Variants in FBXO28 observed in about 807,000 individuals in gnomAD.
FBXO28 encodes the protein F-box only protein 28.
Under a neutral mutation model 38.1 loss-of-function variants are expected in FBXO28, and 8 were observed. That is an observed-to-expected ratio of 0.21 (90% CI 0.12 to 0.38). FBXO28 has a LOEUF of 0.38. FBXO28 is among the 10% of genes least tolerant of loss of function. The probability of loss-of-function intolerance (pLI) is 1.00; values close to 1 mark genes in which losing one functional copy is unlikely to be tolerated. For missense variants in FBXO28, 345 were observed against 460.6 expected (o/e 0.75, Z 2.30); for synonymous variants, 168 against 173.8 (o/e 0.97, Z 0.26).
intron 4 of FBXO28, among the ~76,000 whole-genome samples, chr1:224,154,544 C>T (rs1293051060): frequency 6.6e-6 from 1 of 151,992 alleles, no homozygotes; most frequent in Non-Finnish European, 1.5e-5. Flanking sequence ...CGCGGTGGCT[C>T]ATGCCTGTAA....
At position 224,114,195 on chromosome 1, in the gene FBXO28, C is replaced by T. The variant is rs573338142; in HGVS notation, c.66C>T (p.Ser22=). The T allele has an allele frequency of 1.6e-5, 24 of 1,548,392 alleles. No homozygotes were observed. In the South Asian group the frequency reaches 2.6e-4, roughly 17 times the overall value. Residue 22 remains serine (S), a synonymous_variant, in exon 1 of 5, where the codon TCC becomes TCT. Coordinates refer to ENST00000366862, the MANE Select transcript of FBXO28 (RefSeq NM_015176.4). The part of the protein sequence containing the change: ...EGGGGQGDGG[S]SLASGSTQRQ... ...GCGGCGGCCAAGGCGACGGCGGTTC[C>T]TCTTTGGCCTCCGGCTCTACCCAGC...
chr1:224,124,247 G>C (rs1004975584), intron 1 of FBXO28, among the ~76,000 whole-genome samples: 2 of 152,156 alleles, frequency 1.3e-5, no homozygotes, highest in Admixed American at 6.5e-5. Context: ...TTTCATTACT[G>C]ACCACAACTA....
chr1:224,150,511 T>C (rs1202515651), intron 3 of FBXO28, among the ~76,000 whole-genome samples: 1 of 152,190 alleles, frequency 6.6e-6, no homozygotes, highest in Non-Finnish European at 1.5e-5. Context: ...TATTTCTTGA[T>C]TATGTATAAA....
At chr1:224,119,237 C>T in intron 1 of FBXO28, among the ~76,000 whole-genome samples, 1 of 144,834 alleles carries the variant, frequency 6.9e-6, no homozygotes, top group East Asian at 2.1e-4. Flanking sequence ...AGGTTCATGC[C>T]ATTTTCCTGC....
chr1:224,122,242 C>T (rs770943561), intron 1 of FBXO28, among the ~76,000 whole-genome samples: 4 of 152,116 alleles, frequency 2.6e-5, no homozygotes, highest in Non-Finnish European at 4.4e-5. Flanking sequence ...ATGATTTTTT[C>T]GTCCATCATT....
chr1:224,145,443 TAA>T (rs1657477663), intron 3 of FBXO28, among the ~76,000 whole-genome samples: 1 of 152,214 alleles, frequency 6.6e-6, no homozygotes, highest in South Asian at 2.1e-4. Context: ...TCATTTCACT[TAA>T]AGTCGGGATT....
rs114906258 is a variant in FBXO28 at position 224,131,488 on chromosome 1, A to C, written c.377+907A>C. On this transcript the variant is annotated intron_variant, in intron 2 of 4. Coordinates refer to ENST00000366862, the MANE Select transcript of FBXO28 (RefSeq NM_015176.4). Reference sequence around the variant, plus strand: ...ATAAGGATAGACCTGTAGATCAAAGAAGCAAAAGCAAAAGTCTGGATAATA... The same window carrying C: ...ATAAGGATAGACCTGTAGATCAAAGCAGCAAAAGCAAAAGTCTGGATAATA... 7.9e-3 allele frequency among the ~76,000 whole-genome samples: 1,203 copies of C among 152,334 alleles called. 15 individuals are homozygous for C. The highest frequency in any genetic ancestry group is 0.027 in the African/African-American group (1,114 of 41,570).
intron 1 of FBXO28, among the ~76,000 whole-genome samples, chr1:224,114,973 C>G (rs747288780): frequency 2.0e-5 from 3 of 152,118 alleles, no homozygotes; most frequent in Non-Finnish European, 4.4e-5. Context: ...AGCGTTAGCC[C>G]CAGCGCCCTA....
chr1:224,136,738 A>G (rs1311033698), intron 3 of FBXO28, among the ~76,000 whole-genome samples: 12 of 151,446 alleles, frequency 7.9e-5, no homozygotes, highest in Non-Finnish European at 1.8e-4. Context: ...CAGAAAAAAA[A>G]AAAGTTCAGA....
chr1:224,118,876 A>G (rs1262026635), intron 1 of FBXO28, among the ~76,000 whole-genome samples: 3 of 152,328 alleles, frequency 2.0e-5, no homozygotes, highest in Non-Finnish European at 4.4e-5. Flanking sequence ...TACACATAAC[A>G]TATTCCATTA....
At chr1:224,135,469 G>A (rs1014163484) in intron 3 of FBXO28, among the ~76,000 whole-genome samples, 17 of 151,788 alleles carry the variant, frequency 1.1e-4, no homozygotes, top group East Asian at 5.8e-4. Context: ...GATCCAGGCC[G>A]GCTGTAGTGG....
At chr1:224,137,760 G>T (rs953359377) in intron 3 of FBXO28, among the ~76,000 whole-genome samples, 13 of 151,812 alleles carry the variant, frequency 8.6e-5, no homozygotes, top group African/African-American at 2.2e-4. Flanking sequence ...GTGAGAGTGG[G>T]ACTGATAACA....
chr1:224,116,222 A>G (rs918414955), intron 1 of FBXO28, among the ~76,000 whole-genome samples: 2 of 152,334 alleles, frequency 1.3e-5, no homozygotes, highest in South Asian at 2.1e-4. Context: ...TCTTGAATAG[A>G]TTAAATGGAT....
chr1:224,148,545 C>T (rs1331071979), intron 3 of FBXO28, among the ~76,000 whole-genome samples: 1 of 151,788 alleles, frequency 6.6e-6, no homozygotes, highest in Non-Finnish European at 1.5e-5. Flanking sequence ...GCCTGTAGTC[C>T]CAGCTACTCG....
At chr1:224,133,620 C>T (rs140955547) in intron 2 of FBXO28, among the ~76,000 whole-genome samples, 1,761 of 152,122 alleles carry the variant, frequency 0.012, 12 homozygotes, top group Non-Finnish European at 0.018. Context: ...CGGGTTCAAG[C>T]GAGTCTCCTG....
At chr1:224,128,475 GTTTA>G (rs1324944073) in intron 1 of FBXO28, among the ~76,000 whole-genome samples, 1 of 151,874 alleles carries the variant, frequency 6.6e-6, no homozygotes, top group African/African-American at 2.4e-5. Flanking sequence ...GATAAACAAA[GTTTA>G]TTTAACAATT....
rs187626973 is a variant in FBXO28 at position 224,144,904 on chromosome 1, C to T, written c.517-8238C>T. Among the ~76,000 whole-genome samples the T allele has an allele frequency of 1.1e-3, 167 of 152,138 alleles. 1 individual carries two copies. The highest frequency in any genetic ancestry group is 1.6e-3 in the African/African-American group (68 of 41,518). Reference sequence around the variant, plus strand: ...TGACTGCCATAGCTCACTGATTGACCAAAAATTGGATACATTATCTTGTTT... The same window carrying T: ...TGACTGCCATAGCTCACTGATTGACTAAAAATTGGATACATTATCTTGTTT... On this transcript the variant is annotated intron_variant, in intron 3 of 4. Coordinates refer to ENST00000366862, the MANE Select transcript of FBXO28 (RefSeq NM_015176.4).
At chr1:224,156,659 A>G (rs1405930407) in intron 4 of FBXO28, among the ~76,000 whole-genome samples, 1 of 152,170 alleles carries the variant, frequency 6.6e-6, no homozygotes, top group Non-Finnish European at 1.5e-5. Context: ...GTAGGTGTGT[A>G]CTTCTAACTT....
At chr1:224,144,213 C>T (rs1657441921) in intron 3 of FBXO28, among the ~76,000 whole-genome samples, 1 of 151,294 alleles carries the variant, frequency 6.6e-6, no homozygotes. Context: ...CTTGTAATCC[C>T]AGCACTTTGG....
Sources: allele counts gnomAD v4.1 joint callset (sites outside exome capture counted in the v4.1 genomes callset), GRCh38; gene constraint gnomAD v4.1.1; transcripts MANE v1.5; gene names NCBI Gene and HGNC (gene_info 2026-07-23, HGNC 2026-07-21).